Variants in PCDHA3 observed in about 807,000 individuals in gnomAD.
PCDHA3 encodes the protein protocadherin alpha 3.
In PCDHA3, 41 loss-of-function variants were observed where a neutral mutation model predicts 62.2. The ratio of observed to expected loss-of-function variants is 0.66; its 90% CI spans 0.51 to 0.86. PCDHA3 has a LOEUF of 0.86. Ranked by LOEUF, PCDHA3 falls within the 40% of genes least tolerant of loss-of-function variation. The pLI is 0.00. For synonymous variants in PCDHA3, 640 were observed against 555.4 expected, an observed-to-expected ratio of 1.15 and a Z score of -2.14; for missense variants, 1,304 against 1,241.2, an observed-to-expected ratio of 1.05 and a Z score of -0.76.
At chr5:140,879,235 A>G (rs904336289) in intron 1 of PCDHA3, among the ~76,000 whole-genome samples, 5 of 152,240 alleles carry the variant, frequency 3.3e-5, no homozygotes, top group Middle Eastern at 3.2e-3. Flanking sequence ...CATATACAAG[A>G]GGCACTGGCA....
intron 1 of PCDHA3, among the ~76,000 whole-genome samples, chr5:140,941,259 T>TTCTTTC (rs1554214225): frequency 1.2e-3 from 146 of 121,812 alleles, no homozygotes; most frequent in African/African-American, 3.7e-3. Flanking sequence ...TTCTTTCTCT[T>TTCTTTC]TCTTTCTTTC....
chr5:140,928,821 C>T, intron 1 of PCDHA3: 2 of 1,614,142 alleles, frequency 1.2e-6, no homozygotes, highest in Non-Finnish European at 1.7e-6. Context: ...ACCATGGAGA[C>T]CCACCACTTT....
chr5:140,804,877 G>C (rs1400050835), intron 1 of PCDHA3: 1 of 591,688 alleles, frequency 1.7e-6, no homozygotes, highest in African/African-American at 1.9e-5. Flanking sequence ...TATTTTTCTT[G>C]ACTCCTCTCC....
At chr5:140,853,186 T>A (rs1319210557) in intron 1 of PCDHA3, 2 of 978,922 alleles carry the variant, frequency 2.0e-6, no homozygotes, top group African/African-American at 3.5e-5. Flanking sequence ...GCCTAAAATG[T>A]GTTCTTTATT....
intron 1 of PCDHA3, chr5:140,870,904 G>A (rs1554164810): frequency 1.9e-6 from 3 of 1,613,840 alleles, no homozygotes; most frequent in African/African-American, 2.7e-5. Context: ...TGCGGACTCA[G>A]GCTACAACGC....
chr5:140,911,134 C>T (rs2075341856), intron 1 of PCDHA3, among the ~76,000 whole-genome samples: 1 of 152,108 alleles, frequency 6.6e-6, no homozygotes. Context: ...TCAGGCAGTG[C>T]AGGGTTTTTC....
chr5:140,870,736 A>G lies in PCDHA3; in HGVS notation c.2394+67145A>G, dbSNP rs201357017. ...GCGCGATGCGGGCGTGCCGCCTCTG[A>G]GCAGCAACGTGACGCTGCAGGTGTT... On this transcript the variant is annotated intron_variant, in intron 1 of 3. Transcript: ENST00000522353. 8.7e-4 allele frequency: 1,399 copies of G among 1,613,426 alleles called. 10 individuals carry two copies. In the African/African-American group the frequency reaches 0.015, roughly 17 times the overall value.
intron 1 of PCDHA3, among the ~76,000 whole-genome samples, chr5:140,837,994 C>CA (rs1554136741): frequency 6.6e-6 from 1 of 150,494 alleles, no homozygotes; most frequent in Non-Finnish European, 1.5e-5. Context: ...TTCATCTTTC[C>CA]TTTTTTTTAA....
At chr5:140,872,134 A>C (rs938546166) in intron 1 of PCDHA3, among the ~76,000 whole-genome samples, 1 of 152,112 alleles carries the variant, frequency 6.6e-6, no homozygotes, top group Non-Finnish European at 1.5e-5. Context: ...CAAAGCTAGA[A>C]TACTCCATTA....
intron 1 of PCDHA3, chr5:140,835,634 T>C (rs2150240136): frequency 3.1e-6 from 5 of 1,613,808 alleles, no homozygotes; most frequent in East Asian, 2.2e-5. Context: ...ACCGCGAGAG[T>C]GTGTCCGCCT....
chr5:140,878,516 G>C (rs2057626740), intron 1 of PCDHA3, among the ~76,000 whole-genome samples: 1 of 152,122 alleles, frequency 6.6e-6, no homozygotes, highest in African/African-American at 2.4e-5. Context: ...CAGTACAGTT[G>C]GTAACCAACT....
intron 1 of PCDHA3, among the ~76,000 whole-genome samples, chr5:140,937,108 G>A (rs1014984809): frequency 7.3e-5 from 11 of 151,276 alleles, no homozygotes; most frequent in Non-Finnish European, 1.5e-4. Context: ...CGCAGTCTCG[G>A]CTCACTGCAA....
intron 3 of PCDHA3, among the ~76,000 whole-genome samples, chr5:140,990,438 T>C (rs2097393735): frequency 2.0e-5 from 3 of 152,222 alleles, no homozygotes; most frequent in Admixed American, 2.0e-4. Context: ...CCCAATCTTG[T>C]GTCCAGAGCT....
intron 1 of PCDHA3, among the ~76,000 whole-genome samples, chr5:140,963,581 G>A (rs2095775682): frequency 6.6e-6 from 1 of 152,210 alleles, no homozygotes; most frequent in Non-Finnish European, 1.5e-5. Flanking sequence ...TTCTCAAAAT[G>A]TAGGATATAG....
intron 1 of PCDHA3, chr5:140,928,776 T>C (rs2085518837): frequency 6.2e-7 from 1 of 1,614,044 alleles, no homozygotes; most frequent in East Asian, 2.2e-5. Flanking sequence ...TTCCCACTGA[T>C]GCAGTTAAGC....
intron 1 of PCDHA3, chr5:140,809,138 G>C (rs1581700225): frequency 6.2e-7 from 1 of 1,613,930 alleles, no homozygotes; most frequent in African/African-American, 1.3e-5. Context: ...ACTGGTACTG[G>C]TGAAGGACCA....
intron 1 of PCDHA3, chr5:140,808,630 C>A: frequency 2.5e-6 from 4 of 1,613,606 alleles, no homozygotes; most frequent in Non-Finnish European, 2.5e-6. Flanking sequence ...CTGCGTGGGA[C>A]GCGGACGCGC....
At chr5:140,964,509 C>T (rs552530683) in intron 1 of PCDHA3, among the ~76,000 whole-genome samples, 1 of 152,258 alleles carries the variant, frequency 6.6e-6, no homozygotes, top group Non-Finnish European at 1.5e-5. Flanking sequence ...GGTCAATACC[C>T]AGTGGCCAGG....
At chr5:140,921,379 T>C (rs1186418255) in intron 1 of PCDHA3, among the ~76,000 whole-genome samples, 1 of 152,180 alleles carries the variant, frequency 6.6e-6, no homozygotes, top group Non-Finnish European at 1.5e-5. Context: ...TTTCTACATA[T>C]TTGATAAACA....
Sources: gnomAD v4.1 joint callset for allele counts (sites outside exome capture counted in the v4.1 genomes callset) on GRCh38, gnomAD v4.1.1 for gene constraint, MANE v1.5 for transcripts, NCBI Gene and HGNC (gene_info 2026-07-23, HGNC 2026-07-21) for gene names.